The following BEND7 variants were observed in gnomAD, a reference collection of about 807,000 sequenced individuals.
The protein encoded by BEND7 is BEN domain containing 7, also known as BEN domain-containing protein 7.
A neutral mutation model predicts 50.9 loss-of-function variants in BEND7; 28 were observed. That is an observed-to-expected ratio of 0.55 (90% CI 0.41 to 0.75). The LOEUF (loss-of-function observed/expected upper bound fraction) is 0.75. Among genes scored for constraint, BEND7 ranks in the 30% least tolerant of loss-of-function variants. The pLI is 0.00. For missense variants in BEND7, 477 were observed against 491.3 expected (o/e 0.97, Z 0.28); for synonymous variants, 170 against 183.9 (o/e 0.92, Z 0.61).
At chr10:13,491,467 A>C (rs1391902570) in intron 5 of BEND7, among the ~76,000 whole-genome samples, 1 of 151,986 alleles carries the variant, frequency 6.6e-6, no homozygotes, top group East Asian at 1.9e-4. Flanking sequence ...GCATGAGCTG[A>C]CTGGTCCAGC....
At chr10:13,463,742 T>A (rs994257353) in intron 6 of BEND7, among the ~76,000 whole-genome samples, 1 of 152,136 alleles carries the variant, frequency 6.6e-6, no homozygotes, top group Admixed American at 6.6e-5. Flanking sequence ...GCCTGTCAAA[T>A]CTCAACTTCG....
Position 13,469,248 on chromosome 10 carries a change from A to G in BEND7, c.1063+11651T>C, listed in dbSNP as rs191924413. Among the ~76,000 whole-genome samples, 64 of 152,304 alleles carry G rather than the reference A, an allele frequency of 4.2e-4. 1 individual carries two copies. Among genetic ancestry groups the G allele is most frequent in the African/African-American group, 1.5e-3 (63 of 41,570 alleles). ...GACCATGGAGAGGTGTCAAAATCTA[A>G]CCAAGAGCAGGATGCAAGAAACATG... On this transcript the variant is annotated intron_variant, in intron 6 of 8. Coordinates refer to ENST00000466271, the MANE Select transcript of BEND7 (RefSeq NM_001369863.1).
At chr10:13,526,031 A>G (rs190179335) in intron 2 of BEND7, 107 bp downstream of exon 2, 17 of 460,214 alleles carry the variant, frequency 3.7e-5, no homozygotes, top group Admixed American at 6.9e-5. Flanking sequence ...AATGTCATAC[A>G]TTAAGCAATG....
At chr10:13,444,656 G>C (rs555454592) in intron 8 of BEND7, 2 of 152,282 alleles carry the variant, frequency 1.3e-5, no homozygotes, top group African/African-American at 4.8e-5. Flanking sequence ...GTCCTTAAAG[G>C]GCACATGTGA....
intron 5 of BEND7, among the ~76,000 whole-genome samples, chr10:13,484,736 G>T (rs1200229557): frequency 6.6e-6 from 1 of 152,168 alleles, no homozygotes; most frequent in South Asian, 2.1e-4. Context: ...TCTAAAGTTG[G>T]GGCAGGATTT....
At chr10:13,499,290 G>C (rs950557837) in intron 3 of BEND7, among the ~76,000 whole-genome samples, 6 of 152,298 alleles carry the variant, frequency 3.9e-5, no homozygotes, top group South Asian at 4.1e-4. Context: ...ACTGGGTTCA[G>C]TACTGACGTG....
At chr10:13,480,661 G>A (rs10906389) in intron 6 of BEND7, 534,292 of 983,184 alleles carry the variant, frequency 0.54, 145,959 homozygotes, top group East Asian at 0.76. Flanking sequence ...TCTGCAGCAG[G>A]TCAAACTGGC....
intron 5 of BEND7, among the ~76,000 whole-genome samples, chr10:13,486,208 T>TTGTAGAGA (rs1249426124): frequency 6.6e-6 from 1 of 152,222 alleles, no homozygotes; most frequent in Admixed American, 6.5e-5. Context: ...TTTATATATT[T>TTGTAGAGA]TGTAGAGAGG....
At position 13,472,982 on chromosome 10, in the gene BEND7, C is replaced by T. The variant is rs74122742; in HGVS notation, c.1063+7917G>A. 6.3e-3 allele frequency among the ~76,000 whole-genome samples: 952 copies of T among 152,026 alleles called. 8 individuals carry two copies. Among genetic ancestry groups the T allele is most frequent in the African/African-American group, 0.022 (926 of 41,450 alleles). On this transcript the variant is annotated intron_variant, in intron 6 of 8. Coordinates refer to ENST00000466271, the MANE Select transcript of BEND7 (RefSeq NM_001369863.1). ...CGATACCCGTCATTGCTCTTAGACT[C>T]GGGGTTGATACTCGTCATCGCTGTT...
chr10:13,441,779 G>T (rs750515538), intron 8 of BEND7, 29 bp from the exon 9 acceptor site: 1 of 1,607,670 alleles, frequency 6.2e-7, no homozygotes, highest in Non-Finnish European at 8.5e-7. Context: ...CTGTTGTCAG[G>T]AACGGGATTA....
At chr10:13,500,986 C>T (rs550823657) in intron 2 of BEND7, 173 of 262,762 alleles carry the variant, frequency 6.6e-4, no homozygotes, top group African/African-American at 3.9e-3. Flanking sequence ...AGATTTTTCT[C>T]CCGTCTCAGG....
intron 2 of BEND7, among the ~76,000 whole-genome samples, chr10:13,519,214 T>C (rs895741540): frequency 1.3e-5 from 2 of 152,220 alleles, no homozygotes; most frequent in East Asian, 1.9e-4. Flanking sequence ...GGCTCACGCC[T>C]GTAATCCCAG....
intron 2 of BEND7, among the ~76,000 whole-genome samples, chr10:13,517,823 G>C (rs946800678): frequency 6.7e-6 from 1 of 148,510 alleles, no homozygotes; most frequent in South Asian, 2.1e-4. Flanking sequence ...GGCACCGTGT[G>C]GATCGCAATG....
Position 13,526,239 on chromosome 10 carries a change from C to A in BEND7, c.62-18G>T. The A allele has an allele frequency of 7.9e-7, 1 of 1,263,912 alleles. No individual in the cohort carries two copies. Among genetic ancestry groups the A allele is most frequent in the African/African-American group, 1.5e-5 (1 of 65,140 alleles). 78.3% of individuals were successfully genotyped at this position (1,263,912 alleles called of 1,614,324 possible). On this transcript the variant is annotated intron_variant, in intron 1 of 8. Coordinates refer to ENST00000466271, the MANE Select transcript of BEND7 (RefSeq NM_001369863.1). Reference sequence around the variant, plus strand: ...GTGATAATCTGGCATGAGAAAACAACCAAAAATTAGAATCCTAAGGACCTC... The same window carrying A: ...GTGATAATCTGGCATGAGAAAACAAACAAAAATTAGAATCCTAAGGACCTC...
intron 4 of BEND7, 40 bp downstream of exon 4, chr10:13,496,726 T>G: frequency 6.3e-7 from 1 of 1,594,080 alleles, no homozygotes; most frequent in Admixed American, 1.8e-5. Context: ...AGATATGCAT[T>G]AAAAATCAAA....
chr10:13,495,821 T>C (rs956348941), intron 4 of BEND7, among the ~76,000 whole-genome samples: 4 of 152,200 alleles, frequency 2.6e-5, no homozygotes, highest in Admixed American at 1.3e-4. Flanking sequence ...CCTGAACAGC[T>C]TCTGAGTGAC....
chr10:13,511,970 CACA>C (rs1294175936), intron 2 of BEND7, among the ~76,000 whole-genome samples: 3 of 152,244 alleles, frequency 2.0e-5, no homozygotes, highest in Non-Finnish European at 4.4e-5. Flanking sequence ...AGGGAGCTGT[CACA>C]ACAAGACGTG....
At chr10:13,476,513 A>C (rs1468345911) in intron 6 of BEND7, among the ~76,000 whole-genome samples, 1 of 152,088 alleles carries the variant, frequency 6.6e-6, no homozygotes, top group Non-Finnish European at 1.5e-5. Flanking sequence ...AACTTTCTCA[A>C]CTCATCACTA....
At chr10:13,467,818 A>C (rs2074402340) in intron 6 of BEND7, among the ~76,000 whole-genome samples, 1 of 152,022 alleles carries the variant, frequency 6.6e-6, no homozygotes, top group Non-Finnish European at 1.5e-5. Context: ...TTTTTAAGAA[A>C]CCACCTTTTT....
Sources: gnomAD v4.1 joint callset for allele counts (sites outside exome capture counted in the v4.1 genomes callset) on GRCh38, gnomAD v4.1.1 for gene constraint, MANE v1.5 for transcripts, NCBI Gene and HGNC (gene_info 2026-07-23, HGNC 2026-07-21) for gene names.